The following VIRMA variants were observed in gnomAD, a reference collection of about 807,000 sequenced individuals.
VIRMA encodes vir like m6A methyltransferase associated.
In VIRMA, 65 loss-of-function variants were observed where a neutral mutation model predicts 182.4. That is an observed-to-expected ratio of 0.36 (90% CI 0.29 to 0.44). The LOEUF is 0.44. Among genes scored for constraint, VIRMA ranks in the 20% least tolerant of loss-of-function variants. The probability of loss-of-function intolerance (pLI) is 1.00; values close to 1 mark genes in which losing one functional copy is unlikely to be tolerated. For synonymous variants in VIRMA, 709 were observed against 743.1 expected (o/e 0.95, Z 0.75); for missense variants, 1,752 against 2,158.1 (o/e 0.81, Z 3.73).
intron 15 of VIRMA, among the ~76,000 whole-genome samples, chr8:94,507,550 T>C (rs991629490): frequency 2.7e-5 from 4 of 147,836 alleles, no homozygotes; most frequent in South Asian, 2.1e-4. Context: ...AGGCCAGGAG[T>C]TCAAGACGAG....
chr8:94,536,577 T>G (rs1019275257), intron 4 of VIRMA, among the ~76,000 whole-genome samples: 2 of 152,254 alleles, frequency 1.3e-5, no homozygotes, highest in African/African-American at 4.8e-5. Flanking sequence ...AATGCTGGCC[T>G]CTTCTTGACT....
chr8:94,545,113 AAAGT>A (rs1815717236), intron 1 of VIRMA, among the ~76,000 whole-genome samples: 1 of 152,188 alleles, frequency 6.6e-6, no homozygotes, highest in Non-Finnish European at 1.5e-5. Flanking sequence ...CCTGGGTGAC[AAAGT>A]AAGACTCCAT....
intron 20 of VIRMA, among the ~76,000 whole-genome samples, chr8:94,493,523 A>G (rs1029338424): frequency 6.6e-6 from 1 of 152,224 alleles, no homozygotes; most frequent in African/African-American, 2.4e-5. Context: ...CTAGTCATCC[A>G]CATTTCAATT....
intron 1 of VIRMA, 27 bp downstream of exon 1, chr8:94,553,358 C>T (rs774713143): frequency 1.9e-6 from 3 of 1,608,506 alleles, no homozygotes; most frequent in East Asian, 2.2e-5. Flanking sequence ...CAAGAAGCAG[C>T]GTCAGAATCA....
intron 21 of VIRMA, among the ~76,000 whole-genome samples, chr8:94,492,316 C>G (rs1220196493): frequency 6.9e-6 from 1 of 144,454 alleles, no homozygotes; most frequent in Non-Finnish European, 1.5e-5. Context: ...CAGAGTCTTG[C>G]TCTGTCGCCC....
chr8:94,493,122 A>G (rs1044927459), intron 20 of VIRMA, among the ~76,000 whole-genome samples: 1 of 152,182 alleles, frequency 6.6e-6, no homozygotes, highest in African/African-American at 2.4e-5. Context: ...TAACACTGTA[A>G]TATCTCCTGA....
chr8:94,517,348 G>A (rs888075930), intron 10 of VIRMA, among the ~76,000 whole-genome samples: 14 of 152,250 alleles, frequency 9.2e-5, no homozygotes, highest in African/African-American at 3.1e-4. Flanking sequence ...AACCACAGGC[G>A]TGTGCCAGCA....
At chr8:94,496,203 T>G (rs1021436369) in intron 18 of VIRMA, 125 bp downstream of exon 18, 1 of 812,568 alleles carries the variant, frequency 1.2e-6, no homozygotes, top group African/African-American at 1.7e-5. Flanking sequence ...CAAAGAGTTA[T>G]TTGAAATGGT....
At chr8:94,522,408 T>C (rs1335259792) in intron 8 of VIRMA, among the ~76,000 whole-genome samples, 1 of 152,186 alleles carries the variant, frequency 6.6e-6, no homozygotes, top group South Asian at 2.1e-4. Context: ...GAGTATTATA[T>C]GCTGAGTTTT....
intron 5 of VIRMA, chr8:94,534,410 G>C (rs933767445): frequency 5.8e-6 from 1 of 172,754 alleles, no homozygotes; most frequent in African/African-American, 2.4e-5. Context: ...AAGTTCTCTA[G>C]GAAAACAGAG....
chr8:94,528,566 A>T (rs2130354014), intron 7 of VIRMA, among the ~76,000 whole-genome samples: 1 of 152,358 alleles, frequency 6.6e-6, no homozygotes, highest in Non-Finnish European at 1.5e-5. Context: ...AGGAAAAATA[A>T]AGCCTAATTA....
intron 4 of VIRMA, among the ~76,000 whole-genome samples, 181 bp downstream of exon 4, chr8:94,536,922 C>T (rs990293828): frequency 9.2e-5 from 14 of 151,716 alleles, no homozygotes; most frequent in Non-Finnish European, 1.5e-4. Flanking sequence ...GAGCTTGCAG[C>T]GAGCCAAGAT....
chr8:94,544,034 T>C (rs1453168522), intron 1 of VIRMA, 92 bp from the exon 2 acceptor site: 2 of 683,046 alleles, frequency 2.9e-6, no homozygotes, highest in Non-Finnish European at 5.3e-6. Context: ...CAATGTCACA[T>C]GTAAACTTAA....
At chr8:94,545,765 A>G (rs1226258350) in intron 1 of VIRMA, among the ~76,000 whole-genome samples, 1 of 152,196 alleles carries the variant, frequency 6.6e-6, no homozygotes, top group South Asian at 2.1e-4. Flanking sequence ...AACATTCACA[A>G]AAGTGCAGGC....
intron 14 of VIRMA, 26 bp from the exon 15 acceptor site, chr8:94,509,966 A>G (rs1276773616): frequency 1.9e-6 from 3 of 1,578,418 alleles, no homozygotes; most frequent in South Asian, 2.4e-5. Flanking sequence ...TACATTTAGT[A>G]AACAAAGTTC....
Position 94,519,364 on chromosome 8 carries a change from C to A in VIRMA, c.2134G>T (p.Ala712Ser). The A allele has an allele frequency of 6.3e-7, 1 of 1,582,982 alleles. No homozygotes were observed. ...QATKDVLKFL[A>S]QSQKGLLFFM... ...AAAAGAAGACCCTTCTGTGACTGTGCAAGAAACTTCAAAACATCTTTTGTG... is the reference window on the plus strand; with the variant it reads ...AAAAGAAGACCCTTCTGTGACTGTGAAAGAAACTTCAAAACATCTTTTGTG... Residue 712 changes from alanine to serine, a missense_variant, in exon 9 of 24, where the codon GCA becomes TCA. Coordinates refer to ENST00000297591, the MANE Select transcript of VIRMA (RefSeq NM_015496.5).
rs763083590 is a variant in VIRMA at position 94,511,350 on chromosome 8, A to C, written c.3225T>G (p.Val1075=). Residue 1075 remains valine, a synonymous_variant, in exon 13 of 24, where the codon GTT becomes GTG. Coordinates refer to ENST00000297591, the MANE Select transcript of VIRMA (RefSeq NM_015496.5). ...IDILLTFTQG[V]NEKLTISEET... is the part of the protein sequence containing the mutation. Reference sequence around the variant, plus strand: ...CTTCTGAGATTGTGAGTTTTTCATTAACTCCTTGTGTAAAAGTCAGTAAAA... The same window carrying C: ...CTTCTGAGATTGTGAGTTTTTCATTCACTCCTTGTGTAAAAGTCAGTAAAA... The C allele has an allele frequency of 1.1e-5, 17 of 1,613,712 alleles. No individual in the cohort carries two copies. The South Asian group carries it at 1.8e-4, about 17-fold the overall frequency.
At chr8:94,508,911 T>C (rs12678305) in intron 15 of VIRMA, among the ~76,000 whole-genome samples, 35,666 of 152,032 alleles carry the variant, frequency 0.23, 5,274 homozygotes, top group East Asian at 0.5. Context: ...TAATGGGCTT[T>C]AAAAGCTAAA....
At chr8:94,550,332 A>G (rs3102875) in intron 1 of VIRMA, among the ~76,000 whole-genome samples, 91,915 of 150,390 alleles carry the variant, frequency 0.61, 28,333 homozygotes, top group East Asian at 0.81. Context: ...TCGCTCTGTC[A>G]CCCAGGCTGG....
Sources: gnomAD v4.1 joint callset for allele counts (sites outside exome capture counted in the v4.1 genomes callset) on GRCh38, gnomAD v4.1.1 for gene constraint, MANE v1.5 for transcripts, NCBI Gene and HGNC (gene_info 2026-07-23, HGNC 2026-07-21) for gene names.